The following DMD variants were observed in gnomAD, a reference collection of about 807,000 sequenced individuals.
DMD encodes the protein dystrophin.
A neutral mutation model predicts 330.1 loss-of-function variants in DMD; 63 were observed. The ratio of observed to expected loss-of-function variants is 0.19; its 90% confidence interval spans 0.16 to 0.24. The LOEUF (loss-of-function observed/expected upper bound fraction) is 0.24. DMD is among the 10% of genes least tolerant of loss of function. DMD has a pLI of 1.00. For missense variants in DMD, 3,344 were observed against 2,684.1 expected (o/e 1.25, Z -5.43); for synonymous variants, 1,223 against 959.8 (o/e 1.27, Z -5.07).
intron 60 of DMD, among the ~76,000 whole-genome samples, chrX:31,396,282 C>T (rs949505020): frequency 1.8e-5 from 2 of 110,112 alleles, no homozygotes; most frequent in East Asian, 2.9e-4. Flanking sequence ...GGACTACAGG[C>T]GCCCGCAACC....
At chrX:33,328,267 G>C (rs111651356) in intron 1 of DMD, among the ~76,000 whole-genome samples, 1 of 111,104 alleles carries the variant, frequency 9.0e-6, no homozygotes, top group Non-Finnish European at 1.9e-5. Context: ...GCACTGGCAC[G>C]ATCTTGACTC....
chrX:32,829,427 G>A (rs768433030), intron 4 of DMD, among the ~76,000 whole-genome samples: 1 of 111,053 alleles, frequency 9.0e-6, no homozygotes, highest in East Asian at 2.8e-4. Context: ...ATTGCTTTTA[G>A]TTTCCACTTC....
intron 43 of DMD, among the ~76,000 whole-genome samples, chrX:32,280,006 C>CAT (rs201513891): frequency 0.25 from 16,414 of 66,123 alleles, 1,962 homozygotes; most frequent in East Asian, 0.37. Context: ...ATGTACCCCA[C>CAT]ATATATATAT....
At chrX:32,208,425 CAG>C (rs2097080032) in intron 44 of DMD, among the ~76,000 whole-genome samples, 1 of 111,814 alleles carries the variant, frequency 8.9e-6, no homozygotes, top group Admixed American at 9.5e-5. Flanking sequence ...AGGCTAGAAG[CAG>C]AGTTTCTCTA....
intron 47 of DMD, among the ~76,000 whole-genome samples, chrX:31,906,238 G>A (rs2094477523): frequency 8.9e-6 from 1 of 111,814 alleles, no homozygotes; most frequent in South Asian, 3.7e-4. Context: ...TAAGTTTCCT[G>A]AGGCCTCCCC....
chrX:32,998,673 CAT>C (rs765434009), intron 2 of DMD, among the ~76,000 whole-genome samples: 8 of 110,418 alleles, frequency 7.2e-5, no homozygotes, highest in Non-Finnish European at 1.5e-4. Flanking sequence ...ACAAATGCTA[CAT>C]ATATATTCTA....
chrX:32,035,022 T>C (rs2095930586), intron 44 of DMD, among the ~76,000 whole-genome samples: 1 of 112,036 alleles, frequency 8.9e-6, no homozygotes, highest in Non-Finnish European at 1.9e-5. Flanking sequence ...CTTGTTCTTA[T>C]ATGCCAGACC....
At chrX:33,241,770 G>T (rs1221224388) in intron 1 of DMD, among the ~76,000 whole-genome samples, 1 of 110,451 alleles carries the variant, frequency 9.1e-6, no homozygotes, top group Non-Finnish European at 1.9e-5. Context: ...TTGTGGGGGC[G>T]GGTGGACAGA....
chrX:31,262,903 C>T (rs909125719), intron 62 of DMD, among the ~76,000 whole-genome samples: 7 of 112,561 alleles, frequency 6.2e-5, no homozygotes, highest in Non-Finnish European at 1.3e-4. Flanking sequence ...TATACCAATT[C>T]CATATATAAG....
Position 31,812,453 on chromosome X carries a change from A to T in DMD, c.7309+7522T>A, listed in dbSNP as rs184885556. Among the ~76,000 whole-genome samples, 11 of 104,978 alleles carry T rather than the reference A, an allele frequency of 1.0e-4. No individual in the cohort carries two copies. In the Admixed American group the frequency reaches 1.1e-3, roughly 11 times the overall value. The allele number at this position is 104,978 out of a possible 115,157, so 91.2% of individuals were successfully genotyped here. A position where few individuals can be genotyped will look rare whatever the true frequency, so the allele number is the denominator to read the frequency against. ...GAGGGGGGAGGGATAGCATTAGGAG[A>T]TATACCTAATGTTCAATGACGAGTT... On this transcript the variant is annotated intron_variant, in intron 50 of 78. Transcript: ENST00000357033.
chrX:31,867,947 T>C (rs2093828713), intron 48 of DMD, among the ~76,000 whole-genome samples: 1 of 111,588 alleles, frequency 9.0e-6, no homozygotes, highest in Non-Finnish European at 1.9e-5. Context: ...TAGTTTTTGG[T>C]TTATGCTGAT....
intron 12 of DMD, among the ~76,000 whole-genome samples, chrX:32,604,667 C>T (rs904844452): frequency 3.6e-5 from 4 of 110,277 alleles, no homozygotes; most frequent in African/African-American, 1.3e-4. Flanking sequence ...TAAGACTCCT[C>T]CAAAAGGACC....
At chrX:32,198,326 G>A (rs1022527954) in intron 44 of DMD, among the ~76,000 whole-genome samples, 4 of 111,536 alleles carry the variant, frequency 3.6e-5, no homozygotes, top group African/African-American at 1.3e-4. Context: ...AAAGATGATC[G>A]TGTGTGTTTC....
chrX:31,661,096 T>C (rs2081096387), intron 53 of DMD, among the ~76,000 whole-genome samples: 1 of 112,123 alleles, frequency 8.9e-6, no homozygotes, highest in Admixed American at 9.5e-5. Flanking sequence ...AGAGTGAGGC[T>C]TGACGTCAAA....
At chrX:32,772,061 G>A (rs776407349) in intron 7 of DMD, among the ~76,000 whole-genome samples, 6 of 112,145 alleles carry the variant, frequency 5.4e-5, no homozygotes, top group Non-Finnish European at 1.1e-4. Context: ...TAGAAGAATG[G>A]GCTGTCAATG....
chrX:33,110,291 G>C (rs2095329817), intron 1 of DMD, among the ~76,000 whole-genome samples: 1 of 111,273 alleles, frequency 9.0e-6, no homozygotes, highest in African/African-American at 3.3e-5. Context: ...CTATTTTTGT[G>C]CTATGGATCC....
intron 36 of DMD, 27 bp from the exon 37 acceptor site, chrX:32,362,985 C>A: frequency 8.4e-7 from 1 of 1,184,448 alleles, no homozygotes; most frequent in East Asian, 3.0e-5. Flanking sequence ...AGAGATAGGA[C>A]TTGAAGTTAG....
chrX:32,831,486 GA>G (rs2079141337), intron 4 of DMD, among the ~76,000 whole-genome samples: 1 of 110,624 alleles, frequency 9.0e-6, no homozygotes, highest in African/African-American at 3.3e-5. Context: ...TCATCAAACA[GA>G]AAATAGTAAA....
chrX:31,543,528 C>G (rs542980927), intron 55 of DMD, among the ~76,000 whole-genome samples: 1 of 112,156 alleles, frequency 8.9e-6, no homozygotes, highest in South Asian at 3.7e-4. Flanking sequence ...ACACACACAT[C>G]CAACACCAAC....
Sources: gnomAD v4.1 joint callset for allele counts (sites outside exome capture counted in the v4.1 genomes callset) on GRCh38, gnomAD v4.1.1 for gene constraint, MANE v1.5 for transcripts, NCBI Gene and HGNC (gene_info 2026-07-23, HGNC 2026-07-21) for gene names.